The following ARMC8 variants were observed in gnomAD, a reference collection of about 807,000 sequenced individuals.
The protein encoded by ARMC8 is armadillo repeat containing 8.
ARMC8 carries 20 observed loss-of-function variants against 99.3 expected under a neutral mutation model. That is an observed-to-expected ratio of 0.20 (90% confidence interval 0.14 to 0.29). The LOEUF is 0.29. Among genes scored for constraint, ARMC8 ranks in the 10% least tolerant of loss-of-function variants. The probability of loss-of-function intolerance (pLI) is 1.00; values close to 1 mark genes in which losing one functional copy is unlikely to be tolerated. For missense variants in ARMC8, 569 were observed against 809.5 expected (o/e 0.70, Z 3.60); for synonymous variants, 263 against 278.3 (o/e 0.95, Z 0.55).
chr3:138,275,854 A>G (rs1382353413), intron 18 of ARMC8, among the ~76,000 whole-genome samples: 1 of 152,178 alleles, frequency 6.6e-6, no homozygotes, highest in African/African-American at 2.4e-5. Flanking sequence ...TTTTTTTAAA[A>G]CTGTGTTTTG....
At chr3:138,223,593 A>C in intron 4 of ARMC8, 43 bp from the exon 5 acceptor site, 3 of 1,613,760 alleles carry the variant, frequency 1.9e-6, no homozygotes, top group Non-Finnish European at 2.5e-6. Context: ...TGCTTTAAAT[A>C]CTGGTTGAAA....
intron 7 of ARMC8, among the ~76,000 whole-genome samples, chr3:138,236,101 C>T (rs780839226): frequency 2.0e-5 from 3 of 152,148 alleles, no homozygotes; most frequent in South Asian, 2.1e-4. Flanking sequence ...CCACCGTGTC[C>T]GGCCTGTCCT....
At chr3:138,292,950 A>G (rs2051110014) in intron 21 of ARMC8, among the ~76,000 whole-genome samples, 1 of 152,176 alleles carries the variant, frequency 6.6e-6, no homozygotes, top group South Asian at 2.1e-4. Flanking sequence ...AAGGAAAAAG[A>G]TGCCTGGACG....
At chr3:138,242,580 G>C (rs2046679361) in intron 11 of ARMC8, among the ~76,000 whole-genome samples, 3 of 152,146 alleles carry the variant, frequency 2.0e-5, no homozygotes, top group Admixed American at 2.0e-4. Context: ...ATCTCAGCCT[G>C]TTTGCCCTAT....
intron 3 of ARMC8, among the ~76,000 whole-genome samples, chr3:138,222,689 A>G (rs2045466496): frequency 6.6e-6 from 1 of 152,212 alleles, no homozygotes; most frequent in African/African-American, 2.4e-5. Flanking sequence ...CCAACCTCAA[A>G]CATATACTTT....
chr3:138,274,718 C>A (rs905083837), intron 18 of ARMC8, among the ~76,000 whole-genome samples, 174 bp downstream of exon 18: 4 of 152,194 alleles, frequency 2.6e-5, no homozygotes, highest in Non-Finnish European at 5.9e-5. Flanking sequence ...AAGACTTCTT[C>A]CTGAAATAGA....
At chr3:138,190,516 T>G (rs1355497622) in intron 1 of ARMC8, among the ~76,000 whole-genome samples, 5 of 152,106 alleles carry the variant, frequency 3.3e-5, no homozygotes, top group Admixed American at 2.0e-4. Flanking sequence ...CTCAAACTCC[T>G]GACCTCAAGT....
rs1381219195 is a variant in ARMC8 at position 138,284,503 on chromosome 3, C to T, written c.1798C>T (p.Leu600=). ...TCTTATTATGACCAATGATGATATC[C>T]TACAGAAAATCAAGTATTACATGGT... ...KDLIMTNDDI[L]QKIKYYMGHS... is the part of the protein sequence containing the mutation. Residue 600 remains leucine, a synonymous_variant, in exon 19 of 22, where the codon CTA becomes TTA. Transcript: ENST00000469044. 2 of 1,612,792 alleles carry T rather than the reference C, an allele frequency of 1.2e-6. No individual in the cohort carries two copies. Among genetic ancestry groups the T allele is most frequent in the African/African-American group, 2.7e-5 (2 of 74,890 alleles).
chr3:138,194,044 G>A (rs747152585), intron 1 of ARMC8, among the ~76,000 whole-genome samples: 27 of 144,150 alleles, frequency 1.9e-4, no homozygotes, highest in Non-Finnish European at 3.2e-4. Context: ...GTGGCATTAC[G>A]TCTTTTTTTT....
intron 1 of ARMC8, among the ~76,000 whole-genome samples, chr3:138,208,047 G>GC (rs1266305302): frequency 6.6e-6 from 1 of 151,062 alleles, no homozygotes; most frequent in Non-Finnish European, 1.5e-5. Flanking sequence ...TATTCCTTGA[G>GC]CCCAGGAGTT....
rs1576721608 is a variant in ARMC8, at chr3:138,237,587, A to G, written c.776+15A>G. The G allele has an allele frequency of 1.2e-6, 2 of 1,604,502 alleles. No individual in the cohort carries two copies. The highest frequency in any genetic ancestry group is 1.7e-6 in the Non-Finnish European group (2 of 1,173,916). Reference sequence around the variant, plus strand: ...TCAGCAAAATGGTAAAAGTCAGGACAATGTGGGAAGAAAGACAGTGCTTTA... The same window carrying G: ...TCAGCAAAATGGTAAAAGTCAGGACGATGTGGGAAGAAAGACAGTGCTTTA... On this transcript the variant is annotated intron_variant, in intron 9 of 21. Coordinates refer to ENST00000469044, the MANE Select transcript of ARMC8 (RefSeq NM_001363941.2).
At chr3:138,292,167 A>G (rs2051014925) in intron 21 of ARMC8, among the ~76,000 whole-genome samples, 1 of 152,072 alleles carries the variant, frequency 6.6e-6, no homozygotes, top group Non-Finnish European at 1.5e-5. Flanking sequence ...CCTCCCAGGT[A>G]GCTGGGATTA....
intron 14 of ARMC8, among the ~76,000 whole-genome samples, chr3:138,265,749 A>G (rs1434964563): frequency 1.3e-5 from 2 of 152,218 alleles, no homozygotes; most frequent in African/African-American, 4.8e-5. Context: ...AATGAGACAT[A>G]CCAGTGGACA....
At chr3:138,207,081 A>G (rs1197123179) in intron 1 of ARMC8, among the ~76,000 whole-genome samples, 1 of 152,162 alleles carries the variant, frequency 6.6e-6, no homozygotes, top group African/African-American at 2.4e-5. Context: ...AGCAACTAGT[A>G]TACTTGCTGA....
At position 138,223,559 on chromosome 3, in the gene ARMC8, T is replaced by C. The variant is rs754115207; in HGVS notation, c.337+28T>C. On this transcript the variant is annotated intron_variant, in intron 4 of 21. Coordinates refer to ENST00000469044, the MANE Select transcript of ARMC8 (RefSeq NM_001363941.2). ...ATGTAGGGAAGCCATTTTTGCTCAATTAAGGTTAAGAATCAGTTTGCAGTG... is the reference window on the plus strand; with the variant it reads ...ATGTAGGGAAGCCATTTTTGCTCAACTAAGGTTAAGAATCAGTTTGCAGTG... 22 of 1,614,066 alleles carry C rather than the reference T, an allele frequency of 1.4e-5. No individual in the cohort carries two copies. The South Asian group carries it at 2.2e-4, about 16-fold the overall frequency.
At chr3:138,226,900 G>A (rs1193457904) in intron 5 of ARMC8, among the ~76,000 whole-genome samples, 1 of 152,194 alleles carries the variant, frequency 6.6e-6, no homozygotes, top group African/African-American at 2.4e-5. Flanking sequence ...TTTCAATTTT[G>A]TGCCTCAGCT....
intron 3 of ARMC8, 142 bp from the exon 4 acceptor site, chr3:138,223,247 A>G: frequency 1.5e-6 from 1 of 680,386 alleles, no homozygotes; most frequent in South Asian, 2.2e-5. Flanking sequence ...TAATTAGCAG[A>G]TGAGATAAAC....
intron 19 of ARMC8, among the ~76,000 whole-genome samples, chr3:138,286,598 G>A (rs1018570652): frequency 3.9e-5 from 6 of 152,056 alleles, no homozygotes; most frequent in South Asian, 2.1e-4. Flanking sequence ...ATAGGACCTC[G>A]TAGGGAGCTT....
At chr3:138,195,579 C>T (rs919378012) in intron 1 of ARMC8, among the ~76,000 whole-genome samples, 1 of 152,142 alleles carries the variant, frequency 6.6e-6, no homozygotes, top group Non-Finnish European at 1.5e-5. Context: ...TACTTACTGT[C>T]AGCAGACAGG....
Sources: gnomAD v4.1 joint callset for allele counts (sites outside exome capture counted in the v4.1 genomes callset) on GRCh38, gnomAD v4.1.1 for gene constraint, MANE v1.5 for transcripts, NCBI Gene and HGNC (gene_info 2026-07-23, HGNC 2026-07-21) for gene names.